Variants in ISG20L2 observed in about 807,000 individuals in gnomAD.
The protein encoded by ISG20L2 is interferon stimulated exonuclease gene 20 like 2.
A neutral mutation model predicts 27.8 loss-of-function variants in ISG20L2; 14 were observed. The observed-to-expected ratio is 0.50, with a 90% CI of 0.33 to 0.79. The LOEUF is 0.79. ISG20L2 is among the 30% of genes least tolerant of loss of function. ISG20L2 has a pLI of 0.02. For synonymous variants in ISG20L2, 157 were observed against 165.7 expected, an observed-to-expected ratio of 0.95 and a Z score of 0.40; for missense variants, 393 against 435.1, an observed-to-expected ratio of 0.90 and a Z score of 0.86.
rs901784435 is a variant in ISG20L2 at position 156,727,334 on chromosome 1, T to G, written c.319A>C (p.Lys107Gln). ...AVSWLTPAPS[K>Q]KADSVAAKVD... ...TTAGCAGCAACAGAATCAGCCTTTT[T>G]TGAAGGGGCAGGGGTCAACCAAGAC... Residue 107 changes from lysine (K) to glutamine (Q), a missense_variant, in exon 2 of 4, where the codon AAA (lysine) becomes CAA (glutamine). This residue lies in a region of ISG20L2 where 183 missense variants were observed against 168.2 expected (regional missense o/e 1.09). Coordinates refer to ENST00000368219, the MANE Select transcript of ISG20L2 (RefSeq NM_001370150.2). 7.4e-6 allele frequency: 12 copies of G among 1,614,094 alleles called. No individual in the cohort carries two copies. The African/African-American group carries it at 8.0e-5, about 11-fold the overall frequency.
In ISG20L2 at chr1:156,727,215, A is replaced by G; in HGVS notation, c.438T>C (p.Ser146=). Residue 146 remains serine, a synonymous_variant, in exon 2 of 4, where the codon TCT becomes TCC. Coordinates refer to ENST00000368219, the MANE Select transcript of ISG20L2 (RefSeq NM_001370150.2). ...SQKKSSQKKS[S]KKNHPQKNAP... is the part of the protein sequence containing the mutation. The stretch of plus-strand genomic sequence containing the variant: ...CATTCTTCTGAGGATGGTTCTTTTT[A>G]GAGGATTTCTTCTGGGAGCTCTTCT... 1 of 1,613,902 alleles carries G rather than the reference A, an allele frequency of 6.2e-7. No individual in the cohort carries two copies. The highest frequency in any genetic ancestry group is 8.5e-7 in the Non-Finnish European group (1 of 1,180,008).
chr1:156,725,929 G>C, intron 2 of ISG20L2: 1 of 985,568 alleles, frequency 1.0e-6, no homozygotes. Context: ...AGAGGGCAGA[G>C]TGTGGACCTG....
chr1:156,727,383 C>T lies in ISG20L2; in HGVS notation c.270G>A (p.Gln90=). ...KTAASSNGSG[Q]PLDKKAAVSW... ...ACACTGCAGCTTTCTTGTCCAGGGGCTGTCCTGACCCATTGCTGGAAGCAG... is the reference window on the plus strand; with the variant it reads ...ACACTGCAGCTTTCTTGTCCAGGGGTTGTCCTGACCCATTGCTGGAAGCAG... The change falls in exon 2 of 4, where the codon CAG becomes CAA. Residue 90 remains glutamine, a synonymous_variant. Transcript: ENST00000368219. 6.2e-7 allele frequency: 1 copy of T among 1,614,200 alleles called. No individual in the cohort carries two copies. The highest frequency in any genetic ancestry group is 8.5e-7 in the Non-Finnish European group (1 of 1,180,038).
Position 156,728,701 on chromosome 1 carries a change from G to A in ISG20L2, c.-404C>T. 1.0e-6 allele frequency: 1 copy of A among 991,584 alleles called. No individual in the cohort carries two copies. Among genetic ancestry groups the A allele is most frequent in the East Asian group, 1.1e-4 (1 of 9,010 alleles). The allele number at this position is 991,584 out of a possible 1,614,324, so 61.4% of individuals were successfully genotyped here. A position where few individuals can be genotyped will look rare whatever the true frequency, so the allele number is the denominator to read the frequency against. On this transcript the variant is annotated 5_prime_UTR_variant, in exon 1 of 4. Transcript: ENST00000368219. ...TACAACGCGAAGGTGTGGGAAGGCC[G>A]CGATAAACCGGAACTGCAGCCCGCC...
At chr1:156,723,772 C>T in intron 3 of ISG20L2, 2 of 985,398 alleles carry the variant, frequency 2.0e-6, no homozygotes, top group Non-Finnish European at 2.4e-6. Context: ...TTCCCTAGTT[C>T]CTTAACTGCT....
At chr1:156,724,009 G>A (rs1648645379) in intron 3 of ISG20L2, 139 bp downstream of exon 3, 1 of 1,127,086 alleles carries the variant, frequency 8.9e-7, no homozygotes, top group African/African-American at 1.5e-5. Context: ...TTATTATCCT[G>A]TGTACAGATG....
At position 156,724,154 on chromosome 1, in the gene ISG20L2, A is replaced by G. The variant is rs768592548; in HGVS notation, c.942T>C (p.Asp314=). The change falls in exon 3 of 4, where the codon GAT becomes GAC. Residue 314 remains aspartate (D), a synonymous_variant. Coordinates refer to ENST00000368219, the MANE Select transcript of ISG20L2 (RefSeq NM_001370150.2). ...GGATGTGGGGAGATGCTACCTGGATATCCCGGTTTAGCAGCTTCTTGGTGA... is the reference window on the plus strand; with the variant it reads ...GGATGTGGGGAGATGCTACCTGGATGTCCCGGTTTAGCAGCTTCTTGGTGA... The part of the protein sequence containing the change: ...KHLTKKLLNR[D]IQVGKSGHSS... 2 of 1,612,558 alleles carry G rather than the reference A, an allele frequency of 1.2e-6. No individual in the cohort carries two copies. Among genetic ancestry groups the G allele is most frequent in the African/African-American group, 1.3e-5 (1 of 74,692 alleles).
chr1:156,726,194 G>A (rs976278160), intron 2 of ISG20L2: 8 of 985,204 alleles, frequency 8.1e-6, no homozygotes, highest in Non-Finnish European at 9.6e-6. Flanking sequence ...TCAACTTTCT[G>A]CCCTCTCTTA....
At chr1:156,726,145 C>T (rs1648748501) in intron 2 of ISG20L2, 8 of 985,346 alleles carry the variant, frequency 8.1e-6, no homozygotes, top group Non-Finnish European at 9.6e-6. Flanking sequence ...TCACTGGTTA[C>T]CTGTTCCAGT....
chr1:156,723,494 A>G, intron 3 of ISG20L2, 32 bp from the exon 4 acceptor site: 2 of 1,613,632 alleles, frequency 1.2e-6, no homozygotes, highest in East Asian at 2.2e-5. Flanking sequence ...GAGCATGAAG[A>G]GAAAAGAAAC....
intron 1 of ISG20L2, chr1:156,728,107 C>T (rs1648891958): frequency 1.0e-6 from 1 of 991,718 alleles, no homozygotes; most frequent in African/African-American, 1.7e-5. Context: ...TATACTCCGC[C>T]TAGGAAAGGA....
rs1648929784 is a variant in ISG20L2 at position 156,728,549 on chromosome 1, C to G, written c.-252G>C. The G allele has an allele frequency of 1.0e-6, 1 of 985,676 alleles. No homozygotes were observed. The highest frequency in any genetic ancestry group is 1.7e-5 in the African/African-American group (1 of 57,362). The allele number at this position is 985,676 out of a possible 1,614,324, so 61.1% of individuals were successfully genotyped here. A position where few individuals can be genotyped will look rare whatever the true frequency, so the allele number is the denominator to read the frequency against. On this transcript the variant is annotated 5_prime_UTR_variant, in exon 1 of 4. Transcript: ENST00000368219. ...GTCGGCGCGCGCACACCCGCACCGC[C>G]CCGACCCCAGGTAGTGAGGCCAGTG...
At chr1:156,727,976 T>C (rs143633599) in intron 1 of ISG20L2, 1 of 1,094,948 alleles carries the variant, frequency 9.1e-7, no homozygotes, top group African/African-American at 1.6e-5. Flanking sequence ...TCACCAGCCA[T>C]TTGGTCTTAG....
intron 2 of ISG20L2, chr1:156,724,575 G>T: frequency 7.6e-7 from 1 of 1,315,912 alleles, no homozygotes; most frequent in Non-Finnish European, 9.7e-7. Flanking sequence ...ACTGCCAGTG[G>T]CTCCTTACCT....
chr1:156,727,122 C>T lies in ISG20L2; in HGVS notation c.531G>A (p.Arg177=). ...TCTCACAGTCAATTGCCACCATCTT[C>T]CGTGGCAACTTCTGGGATGCTCCGG... ...KCSGASQKLP[R]KMVAIDCEMV... is the part of the protein sequence containing the mutation. Residue 177 remains arginine (R), a synonymous_variant, in exon 2 of 4, where the codon CGG becomes CGA. Coordinates refer to ENST00000368219, the MANE Select transcript of ISG20L2 (RefSeq NM_001370150.2). 6.2e-7 allele frequency: 1 copy of T among 1,614,168 alleles called. No homozygotes were observed. The highest frequency in any genetic ancestry group is 8.5e-7 in the Non-Finnish European group (1 of 1,180,002).
At position 156,723,335 on chromosome 1, in the gene ISG20L2, C is replaced by G. The variant is rs200191467; in HGVS notation, c.*14G>C. ...TGCCTCTGCCTCCTCATATCACCAG[C>G]GTCCCCACTGCCACTAGTCTGTAGG... On this transcript the variant is annotated 3_prime_UTR_variant, in exon 4 of 4. Coordinates refer to ENST00000368219, the MANE Select transcript of ISG20L2 (RefSeq NM_001370150.2). 7 of 1,613,906 alleles carry G rather than the reference C, an allele frequency of 4.3e-6. No homozygotes were observed. In the Admixed American group the frequency reaches 5.0e-5, roughly 12 times the overall value.
chr1:156,723,543 C>T (rs1043472728), intron 3 of ISG20L2, 81 bp from the exon 4 acceptor site: 9 of 1,574,630 alleles, frequency 5.7e-6, no homozygotes, highest in Middle Eastern at 1.7e-4. Context: ...TACTCCTCTT[C>T]CCCCTGCCTC....
At position 156,727,501 on chromosome 1, in the gene ISG20L2, G is replaced by T. The variant is rs754583299; in HGVS notation, c.152C>A (p.Ala51Glu). Reference protein sequence around the residue: ...LSKKNQPPSKAPKLHSEPSKK... With the variant: ...LSKKNQPPSKEPKLHSEPSKK... ...TGAAGGTTCAGAGTGCAACTTAGGC[G>T]CCTTGCTAGGGGGTTGGTTCTTTTT... Residue 51 changes from alanine to glutamate, a missense_variant, in exon 2 of 4, where the codon GCG becomes GAG. Coordinates refer to ENST00000368219, the MANE Select transcript of ISG20L2 (RefSeq NM_001370150.2). 1 of 1,614,038 alleles carries T rather than the reference G, an allele frequency of 6.2e-7. No homozygotes were observed. Among genetic ancestry groups the T allele is most frequent in the Admixed American group, 1.7e-5 (1 of 60,020 alleles).
chr1:156,723,263 G>C lies in ISG20L2; in HGVS notation c.*86C>G, dbSNP rs566578535. 1,355 of 1,492,638 alleles carry C rather than the reference G, an allele frequency of 9.1e-4. 1 individual carries two copies. Among genetic ancestry groups the C allele is most frequent in the Non-Finnish European group, 1.2e-3 (1,260 of 1,082,570 alleles). The allele number at this position is 1,492,638 out of a possible 1,614,324, so 92.5% of individuals were successfully genotyped here. A position where few individuals can be genotyped will look rare whatever the true frequency, so the allele number is the denominator to read the frequency against. The stretch of plus-strand genomic sequence containing the variant: ...CAAATCTAGCTTCCAAAGATGTGGA[G>C]CTGGTGGAGCTGTCCATTGGTCCAC... On this transcript the variant is annotated 3_prime_UTR_variant, in exon 4 of 4. Coordinates refer to ENST00000368219, the MANE Select transcript of ISG20L2 (RefSeq NM_001370150.2).
Sources: allele counts gnomAD v4.1 joint callset, GRCh38; gene constraint gnomAD v4.1.1; regional missense constraint gnomAD v4.1.1; transcripts MANE v1.5; gene names NCBI Gene and HGNC (gene_info 2026-07-23, HGNC 2026-07-21).